Variants in VTI1A observed in about 807,000 individuals in gnomAD.
VTI1A encodes vesicle transport through interaction with t-SNAREs homolog 1A.
VTI1A carries 22 observed loss-of-function variants against 34.9 expected under a neutral mutation model. The ratio of observed to expected loss-of-function variants is 0.63; its 90% CI spans 0.45 to 0.90. VTI1A has a LOEUF of 0.90. Among genes scored for constraint, VTI1A ranks in the 40% least tolerant of loss-of-function variants. The pLI is 0.00. For missense variants in VTI1A, 268 were observed against 275.6 expected (o/e 0.97, Z 0.20); for synonymous variants, 87 against 97.3 (o/e 0.89, Z 0.62).
intron 7 of VTI1A, among the ~76,000 whole-genome samples, chr10:112,694,076 C>T (rs939365994): frequency 6.6e-6 from 1 of 151,872 alleles, no homozygotes. Context: ...CTTGGTGGCG[C>T]GTGCCTGTAA....
intron 5 of VTI1A, among the ~76,000 whole-genome samples, chr10:112,667,433 C>A (rs1447331775): frequency 6.6e-6 from 1 of 152,124 alleles, no homozygotes; most frequent in African/African-American, 2.4e-5. Flanking sequence ...CTAAAAGGGT[C>A]TACGGCTGGA....
At chr10:112,840,900 G>T in the VTI1A span, among the ~76,000 whole-genome samples, 1,176 of 152,268 alleles carry the variant, frequency 7.7e-3, 23 homozygotes, top group African/African-American at 0.027. Context: ...GGTGACAGTT[G>T]TCTTAGTTGT....
At chr10:112,489,739 A>G (rs1848758473) in intron 3 of VTI1A, among the ~76,000 whole-genome samples, 2 of 152,210 alleles carry the variant, frequency 1.3e-5, no homozygotes, top group Admixed American at 6.5e-5. Flanking sequence ...TGTGTCAAAT[A>G]TGGATAACCA....
chr10:112,566,182 A>G (rs575721986), intron 5 of VTI1A, among the ~76,000 whole-genome samples: 12 of 152,212 alleles, frequency 7.9e-5, no homozygotes, highest in Non-Finnish European at 1.3e-4. Flanking sequence ...TGAAACTTCA[A>G]TGAATCTAAG....
intron 5 of VTI1A, among the ~76,000 whole-genome samples, chr10:112,616,748 T>C (rs139189143): frequency 9.5e-4 from 145 of 152,248 alleles, no homozygotes; most frequent in African/African-American, 3.3e-3. Context: ...TAAGGAACCA[T>C]ACAGAACTTT....
intron 5 of VTI1A, among the ~76,000 whole-genome samples, chr10:112,583,739 C>T (rs956607158): frequency 2.6e-5 from 4 of 152,026 alleles, no homozygotes; most frequent in Non-Finnish European, 5.9e-5. Context: ...GGGGTGGGTA[C>T]GCTTAATAGA....
chr10:112,708,166 G>C (rs1224708330), intron 7 of VTI1A, among the ~76,000 whole-genome samples: 1 of 152,208 alleles, frequency 6.6e-6, no homozygotes, highest in African/African-American at 2.4e-5. Context: ...TGCTAGCCAG[G>C]TGTGTAAAGT....
intron 5 of VTI1A, among the ~76,000 whole-genome samples, chr10:112,615,912 A>C (rs951417153): frequency 2.6e-5 from 4 of 152,088 alleles, no homozygotes; most frequent in African/African-American, 9.7e-5. Context: ...CTAGAGGCAG[A>C]GATGAGAGCT....
At chr10:112,613,509 C>G (rs888754194) in intron 5 of VTI1A, among the ~76,000 whole-genome samples, 3 of 152,172 alleles carry the variant, frequency 2.0e-5, no homozygotes, top group African/African-American at 7.2e-5. Flanking sequence ...AGCTCATTCT[C>G]TCTCGGCCTC....
intron 4 of VTI1A, among the ~76,000 whole-genome samples, chr10:112,538,008 G>T (rs558135436): frequency 6.6e-6 from 1 of 152,090 alleles, no homozygotes; most frequent in South Asian, 2.1e-4. Context: ...ATTCATTGTG[G>T]CCACATACAA....
chr10:112,624,980 C>A (rs922174405), intron 5 of VTI1A, among the ~76,000 whole-genome samples: 2 of 152,050 alleles, frequency 1.3e-5, no homozygotes, highest in South Asian at 2.1e-4. Flanking sequence ...CACCTATAGT[C>A]CTAGCTACTC....
At chr10:112,620,450 G>A (rs1167562658) in intron 5 of VTI1A, among the ~76,000 whole-genome samples, 2 of 152,296 alleles carry the variant, frequency 1.3e-5, no homozygotes, top group Middle Eastern at 3.4e-3. Context: ...ACAGATTCAA[G>A]TGGGGAGAAC....
chr10:112,644,517 A>T (rs923815557), intron 5 of VTI1A, among the ~76,000 whole-genome samples: 2 of 152,200 alleles, frequency 1.3e-5, no homozygotes, highest in African/African-American at 4.8e-5. Context: ...GTTTTATTGG[A>T]TAATGAACTG....
chr10:112,609,235 AAGG>A (rs1321339072), intron 5 of VTI1A, among the ~76,000 whole-genome samples: 2 of 152,176 alleles, frequency 1.3e-5, no homozygotes, highest in East Asian at 3.8e-4. Flanking sequence ...TTGCTCTTTG[AAGG>A]AGAATTCATT....
intron 7 of VTI1A, among the ~76,000 whole-genome samples, chr10:112,804,387 C>T (rs1419614266): frequency 2.0e-5 from 3 of 152,240 alleles, no homozygotes; most frequent in African/African-American, 7.2e-5. Flanking sequence ...CTCTGACAAC[C>T]AGTGCCTCTC....
chr10:112,538,182 A>T, intron 4 of VTI1A, 64 bp from the exon 5 acceptor site: 4 of 1,428,440 alleles, frequency 2.8e-6, no homozygotes, highest in African/African-American at 1.4e-5. Context: ...TTTTTTTTTT[A>T]AGGCAAAAAA....
intron 5 of VTI1A, among the ~76,000 whole-genome samples, chr10:112,665,266 G>A (rs1272515459): frequency 1.3e-5 from 2 of 149,928 alleles, no homozygotes; most frequent in African/African-American, 4.9e-5. Flanking sequence ...GTCTTGTTTT[G>A]TTTTGGTTCA....
intron 7 of VTI1A, among the ~76,000 whole-genome samples, chr10:112,754,650 C>G (rs1462220835): frequency 2.6e-5 from 4 of 152,190 alleles, no homozygotes; most frequent in African/African-American, 9.7e-5. Flanking sequence ...CATGGAAGAA[C>G]TGAGGCTTTC....
chr10:112,566,273 A>G (rs1215261288), intron 5 of VTI1A, among the ~76,000 whole-genome samples: 2 of 152,196 alleles, frequency 1.3e-5, no homozygotes, highest in African/African-American at 2.4e-5. Context: ...CTAACATATA[A>G]AAAACTTACA....
Sources: gnomAD v4.1 joint callset for allele counts (sites outside exome capture counted in the v4.1 genomes callset) on GRCh38, gnomAD v4.1.1 for gene constraint, MANE v1.5 for transcripts, NCBI Gene and HGNC (gene_info 2026-07-23, HGNC 2026-07-21) for gene names.